FBXL16: variants seen among roughly 807,000 people sequenced by gnomAD.
FBXL16 encodes F-box/LRR-repeat protein 16.
A neutral mutation model predicts 36.7 loss-of-function variants in FBXL16; 7 were observed. The observed-to-expected ratio is 0.19, with a 90% confidence interval of 0.11 to 0.36. FBXL16 has a LOEUF of 0.36. Ranked by LOEUF, FBXL16 falls within the 10% of genes least tolerant of loss-of-function variation. The pLI is 1.00. For missense variants in FBXL16, 463 were observed against 659.4 expected (o/e 0.70, Z 3.26); for synonymous variants, 355 against 308.7 (o/e 1.15, Z -1.57).
rs1466703600 is a variant in FBXL16, at chr16:694,144, C to T, written c.*131G>A. The T allele has an allele frequency of 5.3e-6, 3 of 568,552 alleles. No individual in the cohort carries two copies. The highest frequency in any genetic ancestry group is 2.0e-5 in the African/African-American group (1 of 50,488). 35.2% of individuals were successfully genotyped at this position (568,552 alleles called of 1,614,324 possible). Reference sequence around the variant, plus strand: ...GGGGAGGGGCTTTCCCTCGGCTCGCCCCGCCTCCCGCGCTGGGCCGGGGGC... The same window carrying T: ...GGGGAGGGGCTTTCCCTCGGCTCGCTCCGCCTCCCGCGCTGGGCCGGGGGC... On this transcript the variant is annotated 3_prime_UTR_variant, in exon 6 of 6. Transcript: ENST00000397621.
rs1042726349 is a variant in FBXL16, at chr16:693,001, T to C, written c.*1274A>G. ...ATAGGGAGTGTCCCAAGATTGGGTG[T>C]GGGCGCGGTATCTCCTGGGGCTCAA... On this transcript the variant is annotated 3_prime_UTR_variant, in exon 6 of 6. Transcript: ENST00000397621. 3.3e-5 allele frequency: 5 copies of C among 152,178 alleles called. No individual in the cohort carries two copies. In the East Asian group the frequency reaches 9.6e-4, roughly 29 times the overall value. The allele number at this position is 152,178 out of a possible 1,614,324, so 9.4% of individuals were successfully genotyped here.
At position 695,034 on chromosome 16, in the gene FBXL16, G is replaced by A; in HGVS notation, c.1185C>T (p.Thr395=). 6.3e-7 allele frequency: 1 copy of A among 1,586,940 alleles called. No homozygotes were observed. The change falls in exon 4 of 6, where the codon ACC becomes ACT. Residue 395 remains threonine, a synonymous_variant. Coordinates refer to ENST00000397621, the MANE Select transcript of FBXL16 (RefSeq NM_153350.4). ...ITDTGLSYLS[T]MSSLRSLYLR... ...GGTAGAGGCTGCGGAGGGACGACAT[G>A]GTGGACAGATAGCTGAGGCCAGTGT...
chr16:698,814 T>C (rs1296855659), intron 1 of FBXL16, among the ~76,000 whole-genome samples: 1 of 147,564 alleles, frequency 6.8e-6, no homozygotes, highest in African/African-American at 2.6e-5. Context: ...CTTGGGAGGC[T>C]GAGGCAGGAG....
chr16:703,042 T>C (rs918631466), intron 1 of FBXL16, among the ~76,000 whole-genome samples: 2 of 152,164 alleles, frequency 1.3e-5, no homozygotes, highest in African/African-American at 4.8e-5. Flanking sequence ...TTCCAGAAGT[T>C]ACATAGAGCT....
In FBXL16 at chr16:695,486, T is replaced by A. The variant is rs2040004613; in HGVS notation, c.1071A>T (p.Pro357=). Residue 357 remains proline (P), a synonymous_variant, in exon 3 of 6, where the codon CCA becomes CCT. Transcript: ENST00000397621. ...ACTCCAGCGCCATGTCGGTGATGCGTGGGCACCACGAGAGGTCAAGGCTGC... is the reference window on the plus strand; with the variant it reads ...ACTCCAGCGCCATGTCGGTGATGCGAGGGCACCACGAGAGGTCAAGGCTGC... ...KLRSLDLSWC[P]RITDMALEYV... is the part of the protein sequence containing the mutation. 4 of 1,588,114 alleles carry A rather than the reference T, an allele frequency of 2.5e-6. No homozygotes were observed. The East Asian group carries it at 9.0e-5, about 36-fold the overall frequency.
At chr16:703,237 T>A (rs973853526) in intron 1 of FBXL16, among the ~76,000 whole-genome samples, 2 of 152,096 alleles carry the variant, frequency 1.3e-5, no homozygotes, top group African/African-American at 4.8e-5. Flanking sequence ...GCCACGGCGC[T>A]GCATTCCTTG....
chr16:698,926 AAAAAAAGAAAG>A (rs1196593550), intron 1 of FBXL16, among the ~76,000 whole-genome samples: 5 of 138,040 alleles, frequency 3.6e-5, no homozygotes, highest in East Asian at 5.2e-4. Context: ...AAAAAAAAAA[AAAAAAAGAAAG>A]AAAGAAAGAA....
Position 692,906 on chromosome 16 carries a change from TCTCTCTCTCA to T in FBXL16, c.*1359_*1368del. On this transcript the variant is annotated 3_prime_UTR_variant, in exon 6 of 6. Transcript: ENST00000397621. The stretch of plus-strand genomic sequence containing the variant: ...AACAGCATCTCTCTCTCTCTTTCTC[TCTCTCTCTCA>T]CTCTCTTTCTCTCTCTCACTCTCTG... The T allele has an allele frequency of 6.6e-6, 1 of 152,188 alleles. No homozygotes were observed. The highest frequency in any genetic ancestry group is 1.5e-5 in the Non-Finnish European group (1 of 67,954). The allele number at this position is 152,188 out of a possible 1,614,324, so 9.4% of individuals were successfully genotyped here. A position where few individuals can be genotyped will look rare whatever the true frequency, so the allele number is the denominator to read the frequency against.
In FBXL16 at chr16:696,061, C is replaced by T. The variant is rs532836569; in HGVS notation, c.634-138G>A. The stretch of plus-strand genomic sequence containing the variant: ...TGTGTGAGGAGGCGGGGCATCGGGA[C>T]GAGAGCCCAGGGCCTGGCCAGGGCA... On this transcript the variant is annotated intron_variant, in intron 2 of 5. Coordinates refer to ENST00000397621, the MANE Select transcript of FBXL16 (RefSeq NM_153350.4). 5.3e-6 allele frequency: 7 copies of T among 1,309,582 alleles called. No individual in the cohort carries two copies. In the African/African-American group the frequency reaches 7.4e-5, roughly 14 times the overall value. The allele number at this position is 1,309,582 out of a possible 1,614,324, so 81.1% of individuals were successfully genotyped here.
At chr16:699,365 C>A (rs1175256479) in intron 1 of FBXL16, among the ~76,000 whole-genome samples, 7 of 152,212 alleles carry the variant, frequency 4.6e-5, no homozygotes, top group African/African-American at 1.7e-4. Context: ...CCTCACTGTG[C>A]CACCATCTGC....
Position 695,779 on chromosome 16 carries a change from T to C in FBXL16, c.778A>G (p.Ile260Val). ...SDCINVADDA[I>V]AAISQLLPNL... The stretch of plus-strand genomic sequence containing the variant: ...GGCAGCAGCTGCGAGATGGCCGCGA[T>C]GGCGTCGTCGGCCACGTTGATGCAG... The change falls in exon 3 of 6, where the codon ATC (isoleucine) becomes GTC (valine). Residue 260 changes from isoleucine (I) to valine (V), a missense_variant. By Grantham distance (29) the Ile-to-Val change is conservative (BLOSUM62 3). Coordinates refer to ENST00000397621, the MANE Select transcript of FBXL16 (RefSeq NM_153350.4). The C allele has an allele frequency of 1.2e-6, 2 of 1,605,738 alleles. No homozygotes were observed. The highest frequency in any genetic ancestry group is 1.7e-6 in the Non-Finnish European group (2 of 1,178,236).
intron 1 of FBXL16, among the ~76,000 whole-genome samples, chr16:701,968 G>A (rs1057005647): frequency 1.3e-5 from 2 of 152,286 alleles, no homozygotes; most frequent in Admixed American, 6.5e-5. Flanking sequence ...GGAGCTGCTG[G>A]GGAGAGGTGG....
chr16:699,237 C>T lies in FBXL16; in HGVS notation c.-14-1818G>A, dbSNP rs548540478. On this transcript the variant is annotated intron_variant, in intron 1 of 5. Transcript: ENST00000397621. ...CATGCGGAGGTTATCTTCAGGCCAG[C>T]GACATCCACGCACAGGGTGGAGTGG... is the stretch of plus-strand genomic sequence containing the variant. Among the ~76,000 whole-genome samples, 13 of 152,350 alleles carry T rather than the reference C, an allele frequency of 8.5e-5. No homozygotes were observed. In the South Asian group the frequency reaches 2.3e-3, roughly 27 times the overall value.
chr16:694,335 G>A lies in FBXL16; in HGVS notation c.1380C>T (p.Ala460=), dbSNP rs747673770. 1 of 1,512,788 alleles carries A rather than the reference G, an allele frequency of 6.6e-7. No individual in the cohort carries two copies. The highest frequency in any genetic ancestry group is 2.5e-5 in the Admixed American group (1 of 40,416). 93.7% of individuals were successfully genotyped at this position (1,512,788 alleles called of 1,614,324 possible). A position where few individuals can be genotyped will look rare whatever the true frequency, so the allele number is the denominator to read the frequency against. ...EELELTNCPG[A]TPELFKYFSQ... is the part of the protein sequence containing the mutation. ...AGAAATACTTGAAGAGCTCGGGGGT[G>A]GCCCCGGGGCAGTTGGTCAGCTCCA... The change falls in exon 6 of 6, where the codon GCC becomes GCT. Residue 460 remains alanine, a synonymous_variant. Coordinates refer to ENST00000397621, the MANE Select transcript of FBXL16 (RefSeq NM_153350.4).
At chr16:705,016 C>A (rs1455480814) in intron 1 of FBXL16, among the ~76,000 whole-genome samples, 1 of 152,214 alleles carries the variant, frequency 6.6e-6, no homozygotes, top group African/African-American at 2.4e-5. Context: ...AAGGTGCCAG[C>A]CTCCCCCCAC....
At position 695,278 on chromosome 16, in the gene FBXL16, C is replaced by CG. The variant is rs1171925479; in HGVS notation, c.1142+136dup. The CG allele has an allele frequency of 5.0e-6, 6 of 1,188,262 alleles. No individual in the cohort carries two copies. The African/African-American group carries it at 9.7e-5, about 19-fold the overall frequency. 73.6% of individuals were successfully genotyped at this position (1,188,262 alleles called of 1,614,324 possible). A position where few individuals can be genotyped will look rare whatever the true frequency, so the allele number is the denominator to read the frequency against. ...TCTGCGGTTCCCACTCCCCAGGCTC[C>CG]GAGGGCTCTGCCCGCCGCGCCACAG... On this transcript the variant is annotated intron_variant, in intron 3 of 5. Coordinates refer to ENST00000397621, the MANE Select transcript of FBXL16 (RefSeq NM_153350.4).
chr16:694,275 C>T lies in FBXL16; in HGVS notation c.1440G>A (p.Ter480=). 2 of 1,395,004 alleles carry T rather than the reference C, an allele frequency of 1.4e-6. No homozygotes were observed. The highest frequency in any genetic ancestry group is 1.9e-6 in the Non-Finnish European group (2 of 1,071,316). The allele number at this position is 1,395,004 out of a possible 1,614,324, so 86.4% of individuals were successfully genotyped here. The change falls in exon 6 of 6, where the codon TAG becomes TAA. Residue 480 remains the stop codon, a stop_retained_variant. Coordinates refer to ENST00000397621, the MANE Select transcript of FBXL16 (RefSeq NM_153350.4). ...QHLPRCLVIE[*] is the part of the protein sequence containing the mutation. Reference sequence around the variant, plus strand: ...CCGCGACCGGGGCGGGGGCCTCGCGCTACTCAATGACGAGGCAGCGGGGCA... The same window carrying T: ...CCGCGACCGGGGCGGGGGCCTCGCGTTACTCAATGACGAGGCAGCGGGGCA...
intron 4 of FBXL16, 89 bp downstream of exon 4, chr16:694,903 C>T: frequency 7.1e-7 from 1 of 1,398,650 alleles, no homozygotes; most frequent in African/African-American, 1.5e-5. Context: ...GGGCCCCAGA[C>T]TCTCCCAGGA....
At chr16:701,067 G>T (rs2040052834) in intron 1 of FBXL16, among the ~76,000 whole-genome samples, 1 of 152,232 alleles carries the variant, frequency 6.6e-6, no homozygotes, top group African/African-American at 2.4e-5. Flanking sequence ...GCCGGGGCTG[G>T]GGGAGGCATT....
Sources: allele counts gnomAD v4.1 joint callset (sites outside exome capture counted in the v4.1 genomes callset), GRCh38; gene constraint gnomAD v4.1.1; transcripts MANE v1.5; gene names NCBI Gene and HGNC (gene_info 2026-07-23, HGNC 2026-07-21).